Variants in CXCL13 observed in about 807,000 individuals in gnomAD.
CXCL13 encodes the protein C-X-C motif chemokine ligand 13.
In CXCL13, 7 loss-of-function variants were observed where a neutral mutation model predicts 12.2. That is an observed-to-expected ratio of 0.57 (90% confidence interval 0.33 to 1.07). The LOEUF (loss-of-function observed/expected upper bound fraction) is 1.07, where lower values mean the gene tolerates loss of function less well. Among genes scored for constraint, CXCL13 ranks in the 50% least tolerant of loss-of-function variants. CXCL13 has a pLI of 0.04. For synonymous variants in CXCL13, 47 were observed against 42.4 expected (o/e 1.11, Z -0.42); for missense variants, 113 against 127.4 (o/e 0.89, Z 0.55).
chr4:77,514,655 T>C (rs1724370932), intron 1 of CXCL13, among the ~76,000 whole-genome samples: 1 of 150,700 alleles, frequency 6.6e-6, no homozygotes, highest in African/African-American at 2.4e-5. Flanking sequence ...ATGGGGTTGT[T>C]TGTTTTTTTC....
chr4:77,605,780 A>T, upstream of CXCL13: 1 of 722,750 alleles, frequency 1.4e-6, no homozygotes, highest in Non-Finnish European at 2.3e-6. Flanking sequence ...GAGGGCCCTT[A>T]CTGGTATAAA....
intron 1 of CXCL13, among the ~76,000 whole-genome samples, chr4:77,544,352 G>C (rs976572694): frequency 2.6e-5 from 4 of 152,008 alleles, no homozygotes; most frequent in Non-Finnish European, 5.9e-5. Flanking sequence ...AACTAGTTTA[G>C]ACTCCCACCA....
chr4:77,591,058 T>C (rs1038643001), intron 1 of CXCL13, among the ~76,000 whole-genome samples: 1 of 152,196 alleles, frequency 6.6e-6, no homozygotes, highest in Non-Finnish European at 1.5e-5. Flanking sequence ...TTTGTATTTT[T>C]AGTAGAGACA....
upstream of CXCL13, among the ~76,000 whole-genome samples, chr4:77,601,123 G>A (rs1332367207): frequency 1.3e-5 from 2 of 152,104 alleles, no homozygotes; most frequent in Non-Finnish European, 2.9e-5. Flanking sequence ...CGGTACACAC[G>A]TTTTAGGTTT....
chr4:77,541,335 A>G (rs1403705427), intron 1 of CXCL13, among the ~76,000 whole-genome samples: 1 of 152,148 alleles, frequency 6.6e-6, no homozygotes, highest in Non-Finnish European at 1.5e-5. Context: ...CCCAAGGCTG[A>G]TGTCCAGAAT....
intron 1 of CXCL13, among the ~76,000 whole-genome samples, chr4:77,520,215 T>C (rs1281077103): frequency 3.3e-5 from 5 of 152,200 alleles, no homozygotes; most frequent in African/African-American, 1.2e-4. Context: ...TTTGGTTCCA[T>C]ATGAACTTTA....
intron 1 of CXCL13, among the ~76,000 whole-genome samples, chr4:77,553,009 G>A (rs747632371): frequency 7.2e-5 from 11 of 152,174 alleles, no homozygotes; most frequent in African/African-American, 9.7e-5. Flanking sequence ...GCTGGTCCAG[G>A]CAAGGGGATG....
intron 1 of CXCL13, among the ~76,000 whole-genome samples, chr4:77,512,426 T>C (rs1724299004): frequency 6.6e-6 from 1 of 152,164 alleles, no homozygotes; most frequent in Non-Finnish European, 1.5e-5. Context: ...GGTTGAATAA[T>C]AAAGTAATTG....
At chr4:77,521,864 C>G (rs1366344230) in intron 1 of CXCL13, among the ~76,000 whole-genome samples, 1 of 152,066 alleles carries the variant, frequency 6.6e-6, no homozygotes, top group Non-Finnish European at 1.5e-5. Flanking sequence ...ATAAATTTTC[C>G]TCTACACACT....
chr4:77,546,594 TCCC>T (rs948847211), intron 1 of CXCL13, among the ~76,000 whole-genome samples: 5 of 152,184 alleles, frequency 3.3e-5, no homozygotes, highest in African/African-American at 1.2e-4. Flanking sequence ...AGTGGTGATA[TCCC>T]CTTTATCATT....
intron 1 of CXCL13, among the ~76,000 whole-genome samples, chr4:77,556,340 A>G (rs988655357): frequency 6.6e-6 from 1 of 152,234 alleles, no homozygotes; most frequent in Non-Finnish European, 1.5e-5. Context: ...GAAGCCAGAC[A>G]CAAAAGAATA....
intron 1 of CXCL13, among the ~76,000 whole-genome samples, chr4:77,517,213 A>T (rs1319637055): frequency 6.6e-6 from 1 of 151,730 alleles, no homozygotes; most frequent in Non-Finnish European, 1.5e-5. Flanking sequence ...TGCTGAGGAG[A>T]GCTTTACTTC....
At chr4:77,556,108 A>G (rs1374408241) in intron 1 of CXCL13, among the ~76,000 whole-genome samples, 1 of 152,208 alleles carries the variant, frequency 6.6e-6, no homozygotes, top group Non-Finnish European at 1.5e-5. Flanking sequence ...CATATATACC[A>G]ATGAGAAATA....
intron 1 of CXCL13, among the ~76,000 whole-genome samples, chr4:77,521,475 T>G (rs1159462206): frequency 6.6e-6 from 1 of 152,246 alleles, no homozygotes; most frequent in African/African-American, 2.4e-5. Context: ...ATTTATCCAT[T>G]TCTTCTAAGT....
At chr4:77,537,079 G>A (rs1456680202) in intron 1 of CXCL13, among the ~76,000 whole-genome samples, 1 of 152,102 alleles carries the variant, frequency 6.6e-6, no homozygotes, top group Non-Finnish European at 1.5e-5. Flanking sequence ...CATTCAAGGA[G>A]AAAATAAAAG....
intron 1 of CXCL13, among the ~76,000 whole-genome samples, chr4:77,597,952 G>A (rs1024369165): frequency 6.6e-6 from 1 of 152,208 alleles, no homozygotes; most frequent in African/African-American, 2.4e-5. Flanking sequence ...CGGAACTTTG[G>A]CAAGCCACTA....
At chr4:77,566,988 T>C (rs1725937690) in intron 1 of CXCL13, among the ~76,000 whole-genome samples, 1 of 152,186 alleles carries the variant, frequency 6.6e-6, no homozygotes, top group Admixed American at 6.5e-5. Context: ...GAAGTGAAAA[T>C]AGCCAGTTCC....
At chr4:77,522,496 C>T in intron 1 of CXCL13, among the ~76,000 whole-genome samples, 1 of 104,294 alleles carries the variant, frequency 9.6e-6, no homozygotes, top group Admixed American at 1.1e-4. Flanking sequence ...TTATCAGAGA[C>T]TAGGACTGCA....
chr4:77,514,128 C>T (rs1724346756), intron 1 of CXCL13, among the ~76,000 whole-genome samples: 1 of 151,944 alleles, frequency 6.6e-6, no homozygotes, highest in Non-Finnish European at 1.5e-5. Context: ...CTACAAAGGA[C>T]ATGAACTCAT....
Sources: gnomAD v4.1 joint callset for allele counts (sites outside exome capture counted in the v4.1 genomes callset) on GRCh38, gnomAD v4.1.1 for gene constraint, MANE v1.5 for transcripts, NCBI Gene and HGNC (gene_info 2026-07-23, HGNC 2026-07-21) for gene names.